Variants in CTNND2 observed in about 807,000 individuals in gnomAD.
The protein encoded by CTNND2 is catenin delta 2, also known as catenin delta-2.
In CTNND2, 22 loss-of-function variants were observed where a neutral mutation model predicts 144.4. The ratio of observed to expected loss-of-function variants is 0.15; its 90% CI spans 0.11 to 0.22. CTNND2 has a LOEUF of 0.22. Among genes scored for constraint, CTNND2 ranks in the 10% least tolerant of loss-of-function variants. The pLI, the probability that CTNND2 is intolerant of heterozygous loss-of-function variation, is 1.00. For missense variants in CTNND2, 1,353 were observed against 1,618.8 expected, an observed-to-expected ratio of 0.84 and a Z score of 2.82; for synonymous variants, 751 against 695.6, an observed-to-expected ratio of 1.08 and a Z score of -1.25.
intron 14 of CTNND2, among the ~76,000 whole-genome samples, chr5:11,107,451 G>A (rs777054485): frequency 3.8e-4 from 58 of 152,272 alleles, no homozygotes; most frequent in South Asian, 1.9e-3. Context: ...AGCAGGCAAC[G>A]TGTGAGGCTC....
chr5:11,876,371 A>G (rs1735572176), intron 1 of CTNND2, among the ~76,000 whole-genome samples: 1 of 152,078 alleles, frequency 6.6e-6, no homozygotes, highest in Admixed American at 6.6e-5. Flanking sequence ...AAAAGGAAAA[A>G]AGATTTTATA....
intron 10 of CTNND2, among the ~76,000 whole-genome samples, chr5:11,236,120 C>A (rs1273222834): frequency 6.6e-6 from 1 of 152,192 alleles, no homozygotes; most frequent in African/African-American, 2.4e-5. Context: ...AGCATGTTAA[C>A]AGTTGTTTAC....
intron 11 of CTNND2, among the ~76,000 whole-genome samples, chr5:11,182,133 GGT>G (rs1306584947): frequency 1.0e-4 from 14 of 137,608 alleles, no homozygotes; most frequent in Middle Eastern, 4.3e-3. Flanking sequence ...GTGTGGATGG[GGT>G]GTGTGTGTGT....
intron 3 of CTNND2, among the ~76,000 whole-genome samples, chr5:11,446,213 T>A (rs1764787766): frequency 6.6e-6 from 1 of 152,182 alleles, no homozygotes; most frequent in Non-Finnish European, 1.5e-5. Context: ...CCTCAAGTGA[T>A]CCACCTGCCT....
rs563463395 is a variant in CTNND2, at chr5:11,198,413, T to A, written c.1975+1035A>T. On this transcript the variant is annotated intron_variant, in intron 11 of 21. Coordinates refer to ENST00000304623, the MANE Select transcript of CTNND2 (RefSeq NM_001332.4). The stretch of plus-strand genomic sequence containing the variant: ...TGACAATAATCTCAAAGAGTGTACA[T>A]TTAAGAAAATATACGAAAGTTGGGA... Among the ~76,000 whole-genome samples the A allele has an allele frequency of 2.0e-5, 3 of 152,332 alleles. No homozygotes were observed. The South Asian group carries it at 6.2e-4, about 32-fold the overall frequency.
rs148243425 is a variant in CTNND2 at position 11,848,399 on chromosome 5, A to C, written c.37+55418T>G. 7.7e-3 allele frequency among the ~76,000 whole-genome samples: 1,171 copies of C among 152,316 alleles called. 6 individuals are homozygous for C. The highest frequency in any genetic ancestry group is 0.013 in the Non-Finnish European group (898 of 68,020). On this transcript the variant is annotated intron_variant, in intron 1 of 21. Transcript: ENST00000304623. The stretch of plus-strand genomic sequence containing the variant: ...ATAAAATAAATGTAAAAAGTATAAA[A>C]TAAATAAAATTCAAAATAACAACAT...
At chr5:11,890,299 A>T (rs1560973821) in intron 1 of CTNND2, among the ~76,000 whole-genome samples, 1 of 152,134 alleles carries the variant, frequency 6.6e-6, no homozygotes, top group Non-Finnish European at 1.5e-5. Context: ...TGCCACAAAA[A>T]CCTGTCACAG....
intron 2 of CTNND2, among the ~76,000 whole-genome samples, chr5:11,723,331 C>T (rs1786792792): frequency 6.6e-6 from 1 of 151,932 alleles, no homozygotes; most frequent in Non-Finnish European, 1.5e-5. Flanking sequence ...CTGAAAATAT[C>T]TCATTCCACC....
chr5:11,868,624 G>C (rs746161350), intron 1 of CTNND2, among the ~76,000 whole-genome samples: 2 of 152,170 alleles, frequency 1.3e-5, no homozygotes, highest in Non-Finnish European at 2.9e-5. Context: ...TGGCAGTACT[G>C]AGAGATAGGG....
At chr5:11,603,004 C>T (rs983109036) in intron 2 of CTNND2, among the ~76,000 whole-genome samples, 2 of 151,676 alleles carry the variant, frequency 1.3e-5, no homozygotes, top group African/African-American at 2.4e-5. Flanking sequence ...ATAAGTATAA[C>T]AGAAACAAAT....
chr5:11,659,961 C>T (rs368276435), intron 2 of CTNND2, among the ~76,000 whole-genome samples: 11 of 152,014 alleles, frequency 7.2e-5, no homozygotes, highest in Non-Finnish European at 1.6e-4. Flanking sequence ...AAACACTTAA[C>T]GGGCTAGAAT....
intron 16 of CTNND2, chr5:11,027,335 T>G (rs929973563): frequency 6.6e-6 from 1 of 152,190 alleles, no homozygotes; most frequent in Non-Finnish European, 1.5e-5. Flanking sequence ...GCTTGTTCTT[T>G]GTCAGATCAA....
At chr5:11,251,197 T>A (rs1456229692) in intron 9 of CTNND2, among the ~76,000 whole-genome samples, 1 of 152,218 alleles carries the variant, frequency 6.6e-6, no homozygotes, top group East Asian at 1.9e-4. Context: ...TTTCCTGAAC[T>A]TTATGGGTTC....
intron 9 of CTNND2, among the ~76,000 whole-genome samples, chr5:11,258,219 T>G (rs1561107483): frequency 6.6e-6 from 1 of 152,132 alleles, no homozygotes; most frequent in Non-Finnish European, 1.5e-5. Context: ...ATGCTGCATC[T>G]TCACAATGTC....
intron 2 of CTNND2, among the ~76,000 whole-genome samples, chr5:11,721,800 T>C (rs13185681): frequency 0.23 from 34,303 of 152,200 alleles, 4,815 homozygotes; most frequent in African/African-American, 0.4. Context: ...TCAGAAGAAC[T>C]AGGCAGGAGG....
chr5:11,763,918 G>A (rs534237107), intron 1 of CTNND2, among the ~76,000 whole-genome samples: 3 of 151,358 alleles, frequency 2.0e-5, no homozygotes, highest in African/African-American at 7.3e-5. Context: ...GTCAGAGTTG[G>A]CCCCCAAGGA....
At chr5:11,379,603 TAAAA>T (rs1758279464) in intron 7 of CTNND2, among the ~76,000 whole-genome samples, 2 of 152,122 alleles carry the variant, frequency 1.3e-5, no homozygotes, top group African/African-American at 4.8e-5. Context: ...GGAAAAAATA[TAAAA>T]AGTAGGTTCT....
intron 3 of CTNND2, among the ~76,000 whole-genome samples, chr5:11,446,373 G>A (rs367977552): frequency 4.6e-5 from 7 of 152,118 alleles, no homozygotes; most frequent in Admixed American, 1.3e-4. Context: ...TGGGAGGGTC[G>A]GGATCTCCTA....
intron 3 of CTNND2, among the ~76,000 whole-genome samples, chr5:11,534,561 C>T (rs903706934): frequency 1.3e-5 from 2 of 151,402 alleles, no homozygotes; most frequent in African/African-American, 4.9e-5. Flanking sequence ...GCTAGGATTG[C>T]CCCATTGCAC....
Sources: gnomAD v4.1 joint callset for allele counts (sites outside exome capture counted in the v4.1 genomes callset) on GRCh38, gnomAD v4.1.1 for gene constraint, MANE v1.5 for transcripts, NCBI Gene and HGNC (gene_info 2026-07-23, HGNC 2026-07-21) for gene names.